Variants in VPS13B observed in about 807,000 individuals in gnomAD.
The protein encoded by VPS13B is vacuolar protein sorting 13 homolog B, also known as intermembrane lipid transfer protein VPS13B.
A neutral mutation model predicts 426.4 loss-of-function variants in VPS13B; 285 were observed. The ratio of observed to expected loss-of-function variants is 0.67; its 90% CI spans 0.61 to 0.74. VPS13B has a LOEUF of 0.74. Ranked by LOEUF, VPS13B falls within the 30% of genes least tolerant of loss-of-function variation. The pLI is 0.00. For synonymous variants in VPS13B, 1,676 were observed against 1,676.4 expected (o/e 1.00, Z 0.01); for missense variants, 4,537 against 4,782.6 (o/e 0.95, Z 1.51).
intron 19 of VPS13B, among the ~76,000 whole-genome samples, chr8:99,325,247 G>A (rs534271187): frequency 5.3e-5 from 8 of 152,214 alleles, no homozygotes; most frequent in South Asian, 2.1e-4. Flanking sequence ...CACTGTGCTC[G>A]GCCAAGATTC....
At chr8:99,708,829 GTC>G (rs147100515) in intron 36 of VPS13B, among the ~76,000 whole-genome samples, 69 of 149,234 alleles carry the variant, frequency 4.6e-4, no homozygotes, top group Middle Eastern at 3.4e-3. Flanking sequence ...CTCTCTCTCT[GTC>G]TCTCTCTCTC....
At chr8:99,528,512 A>AT (rs1446304996) in intron 30 of VPS13B, among the ~76,000 whole-genome samples, 4 of 152,082 alleles carry the variant, frequency 2.6e-5, no homozygotes, top group Admixed American at 6.6e-5. Context: ...TTACATTGTA[A>AT]TTTCATTGTA....
rs1379998031 is a variant in VPS13B, at chr8:99,642,465, C to A, written c.5875C>A (p.Leu1959Ile). ...GGAAGTATCCATTTTTGATGCTGTG[C>A]TTAAAGGGGTGGCCTCTGATTACAA... ...RVEVSIFDAVLKGVASDYKCI... is the reference protein window; with the variant it reads ...RVEVSIFDAVIKGVASDYKCI... The change falls in exon 34 of 62, where the codon CTT becomes ATT. Residue 1959 changes from leucine to isoleucine, a missense_variant. Transcript: ENST00000357162. 2.5e-6 allele frequency: 4 copies of A among 1,613,870 alleles called. No homozygotes were observed. The East Asian group carries it at 8.9e-5, about 36-fold the overall frequency.
chr8:99,615,155 A>G (rs868247335), intron 33 of VPS13B, among the ~76,000 whole-genome samples: 6 of 152,200 alleles, frequency 3.9e-5, no homozygotes, highest in Middle Eastern at 3.4e-3. Flanking sequence ...ACTTGCCAAA[A>G]TAAGTACCAG....
At chr8:99,677,497 T>A (rs1463254191) in intron 35 of VPS13B, among the ~76,000 whole-genome samples, 1 of 152,254 alleles carries the variant, frequency 6.6e-6, no homozygotes. Context: ...ACCAAGAATT[T>A]TAAAATAGGG....
At chr8:99,439,118 T>C (rs753257808) in intron 22 of VPS13B, among the ~76,000 whole-genome samples, 2 of 152,172 alleles carry the variant, frequency 1.3e-5, no homozygotes, top group Non-Finnish European at 2.9e-5. Context: ...CAAATCAGTT[T>C]TATTAATCAC....
At chr8:99,561,541 T>C (rs1181392205) in intron 31 of VPS13B, among the ~76,000 whole-genome samples, 1 of 152,220 alleles carries the variant, frequency 6.6e-6, no homozygotes, top group Non-Finnish European at 1.5e-5. Flanking sequence ...TGTACAGCCA[T>C]TCCGGTTTTC....
At chr8:99,591,192 A>ATTTTTTTTTTTTTTTTTTTTTTTTTT (rs1826652609) in intron 33 of VPS13B, among the ~76,000 whole-genome samples, 1 of 71,406 alleles carries the variant, frequency 1.4e-5, no homozygotes, top group African/African-American at 5.7e-5. Context: ...TTTGCTTTCC[A>ATTTTTTTTTTTTTTTTTTTTTTTTTT]TTTGCTTGGT....
At chr8:99,486,300 A>G (rs891282235) in intron 25 of VPS13B, among the ~76,000 whole-genome samples, 15 of 151,910 alleles carry the variant, frequency 9.9e-5, no homozygotes, top group African/African-American at 3.6e-4. Flanking sequence ...ATCTCGGCTC[A>G]GTGCAACCTC....
In VPS13B at chr8:99,848,773, C is replaced by A; in HGVS notation, c.9943-3C>A. The A allele has an allele frequency of 6.2e-7, 1 of 1,613,200 alleles. No homozygotes were observed. The highest frequency in any genetic ancestry group is 1.3e-5 in the African/African-American group (1 of 75,012). ...AATCAGATTTTGAATATTCTTTCTG[C>A]AGGTTGTGTTCCTGACTGGCTTTGG... On this transcript the variant is annotated splice_polypyrimidine_tract_variant and splice_region_variant and intron_variant, in intron 54 of 61. Coordinates refer to ENST00000357162, the MANE Select transcript of VPS13B (RefSeq NM_152564.5).
At chr8:99,425,740 T>A (rs1235778496) in intron 21 of VPS13B, among the ~76,000 whole-genome samples, 1 of 151,996 alleles carries the variant, frequency 6.6e-6, no homozygotes, top group African/African-American at 2.4e-5. Context: ...GGTATTCAAT[T>A]AGGAAAAGAG....
At chr8:99,435,805 G>A (rs1817337646) in intron 22 of VPS13B, among the ~76,000 whole-genome samples, 1 of 152,132 alleles carries the variant, frequency 6.6e-6, no homozygotes, top group South Asian at 2.1e-4. Context: ...ATTAAATGAA[G>A]TAGCTTTTCC....
At chr8:99,267,585 G>A (rs1265743707) in intron 17 of VPS13B, among the ~76,000 whole-genome samples, 1 of 151,850 alleles carries the variant, frequency 6.6e-6, no homozygotes, top group Non-Finnish European at 1.5e-5. Context: ...AAATTAGTGG[G>A]GCATGGTAGC....
intron 33 of VPS13B, among the ~76,000 whole-genome samples, chr8:99,590,060 T>C (rs1344405842): frequency 2.6e-5 from 4 of 152,194 alleles, no homozygotes; most frequent in African/African-American, 9.6e-5. Context: ...CCTGGTTTAG[T>C]CTTGGAAGAG....
intron 17 of VPS13B, among the ~76,000 whole-genome samples, chr8:99,246,024 T>G (rs923647367): frequency 6.6e-6 from 1 of 152,208 alleles, no homozygotes; most frequent in Non-Finnish European, 1.5e-5. Flanking sequence ...TACTGTTTTT[T>G]GTTTTGTTTT....
chr8:99,369,347 T>G (rs1366621285), intron 19 of VPS13B, among the ~76,000 whole-genome samples: 2 of 152,226 alleles, frequency 1.3e-5, no homozygotes, highest in African/African-American at 4.8e-5. Flanking sequence ...TATATATAGA[T>G]TTAAATAGGC....
intron 33 of VPS13B, among the ~76,000 whole-genome samples, chr8:99,619,886 GATAATA>G (rs60817713): frequency 0.18 from 26,168 of 146,760 alleles, 2,867 homozygotes; most frequent in East Asian, 0.44. Flanking sequence ...AAATGATGAT[GATAATA>G]ATAATAATAA....
intron 54 of VPS13B, among the ~76,000 whole-genome samples, chr8:99,845,967 C>T (rs1159750984): frequency 6.6e-6 from 1 of 152,190 alleles, no homozygotes; most frequent in African/African-American, 2.4e-5. Context: ...GTCAATTCTG[C>T]CTTTAGCCCA....
chr8:99,020,727 C>G (rs1841843958), intron 2 of VPS13B, among the ~76,000 whole-genome samples: 2 of 152,094 alleles, frequency 1.3e-5, no homozygotes, highest in Admixed American at 1.3e-4. Flanking sequence ...GTCTTGGTTC[C>G]TTTGTCAAAA....
Sources: allele counts gnomAD v4.1 joint callset (sites outside exome capture counted in the v4.1 genomes callset), GRCh38; gene constraint gnomAD v4.1.1; transcripts MANE v1.5; gene names NCBI Gene and HGNC (gene_info 2026-07-23, HGNC 2026-07-21).